ZC3H4: variants seen among roughly 807,000 people sequenced by gnomAD.
ZC3H4 encodes zinc finger CCCH domain-containing protein 4.
ZC3H4 carries 13 observed loss-of-function variants against 108.3 expected under a neutral mutation model. That is an observed-to-expected ratio of 0.12 (90% CI 0.08 to 0.19). The LOEUF is 0.19. Among genes scored for constraint, ZC3H4 ranks in the 10% least tolerant of loss-of-function variants. The pLI is 1.00. For synonymous variants in ZC3H4, 917 were observed against 749.6 expected, an observed-to-expected ratio of 1.22 and a Z score of -3.65; for missense variants, 1,734 against 1,838.8, an observed-to-expected ratio of 0.94 and a Z score of 1.04.
At chr19:47,081,965 A>G (rs1213096747) in intron 10 of ZC3H4, among the ~76,000 whole-genome samples, 1 of 152,198 alleles carries the variant, frequency 6.6e-6, no homozygotes, top group African/African-American at 2.4e-5. Context: ...CTATGTAAAC[A>G]GAACATGCTC....
intron 2 of ZC3H4, among the ~76,000 whole-genome samples, chr19:47,110,448 C>T (rs947721487): frequency 1.3e-5 from 2 of 151,990 alleles, no homozygotes; most frequent in Non-Finnish European, 2.9e-5. Flanking sequence ...AAACTGTGTA[C>T]GTCAAATTTT....
intron 13 of ZC3H4, 99 bp downstream of exon 13, chr19:47,071,679 A>G (rs1047319180): frequency 7.6e-5 from 100 of 1,311,152 alleles, no homozygotes; most frequent in African/African-American, 5.2e-4. Context: ...CATGCTTTCA[A>G]AGAGACTTGG....
intron 4 of ZC3H4, among the ~76,000 whole-genome samples, chr19:47,090,762 A>G (rs1245316502): frequency 6.6e-6 from 1 of 152,256 alleles, no homozygotes. Context: ...ATGTAACAAT[A>G]AAGTGTGTAT....
In ZC3H4 at chr19:47,112,434, G is replaced by A. The variant is rs1568573678; in HGVS notation, c.151C>T (p.Pro51Ser). 1 of 1,236,354 alleles carries A rather than the reference G, an allele frequency of 8.1e-7. No homozygotes were observed. The highest frequency in any genetic ancestry group is 1.0e-6 in the Non-Finnish European group (1 of 987,700). The allele number at this position is 1,236,354 out of a possible 1,614,324, so 76.6% of individuals were successfully genotyped here. A position where few individuals can be genotyped will look rare whatever the true frequency, so the allele number is the denominator to read the frequency against. ...AACCGGGGGCCTGACCTGTCGTCAG[G>A]GAGCGGGAGGCGGTGGTGGAGGAGG... is the stretch of plus-strand genomic sequence containing the variant. ...PHLLHHRLPL[P>S]DDREDGELEE... The change falls in exon 2 of 15, where the codon CCT (proline) becomes TCT (serine). Residue 51 changes from proline to serine, a missense_variant. Pro to Ser is a moderately conservative substitution (Grantham distance 74, BLOSUM62 -1). Coordinates refer to ENST00000253048, the MANE Select transcript of ZC3H4 (RefSeq NM_015168.2).
chr19:47,066,207 A>G lies in ZC3H4; in HGVS notation c.*149T>C, dbSNP rs1265259307. 1 of 624,488 alleles carries G rather than the reference A, an allele frequency of 1.6e-6. No individual in the cohort carries two copies. The highest frequency in any genetic ancestry group is 3.1e-5 in the East Asian group (1 of 31,846). 38.7% of individuals were successfully genotyped at this position (624,488 alleles called of 1,614,324 possible). Reference sequence around the variant, plus strand: ...ATCTCAAAGAAAGTACTACTTTAAAAAAAAATAAAAGAGACGGAAAGCAAA... The same window carrying G: ...ATCTCAAAGAAAGTACTACTTTAAAGAAAAATAAAAGAGACGGAAAGCAAA... On this transcript the variant is annotated 3_prime_UTR_variant, in exon 15 of 15. Transcript: ENST00000253048.
chr19:47,083,974 T>C (rs1051826035), intron 9 of ZC3H4, among the ~76,000 whole-genome samples: 4 of 152,126 alleles, frequency 2.6e-5, no homozygotes, highest in African/African-American at 9.7e-5. Flanking sequence ...CCTCCTCTTC[T>C]GTTTGGATGC....
At chr19:47,077,000 A>T (rs76639866) in intron 11 of ZC3H4, among the ~76,000 whole-genome samples, 1,698 of 151,938 alleles carry the variant, frequency 0.011, 24 homozygotes, top group African/African-American at 0.04. Context: ...CTCAAAAAAA[A>T]ATTTTTTCAA....
Position 47,085,378 on chromosome 19 carries a change from AGTC to A in ZC3H4, c.904_906del (p.Asp302del), listed in dbSNP as rs974679279. ...TTCAGCTCCTTGGAGTACTCGTCAT[AGTC>A]GTCGTCTCCCATTGGCTCCTCACTC... On this transcript the variant is annotated inframe_deletion, in exon 7 of 15. Coordinates refer to ENST00000253048, the MANE Select transcript of ZC3H4 (RefSeq NM_015168.2). The A allele has an allele frequency of 2.5e-6, 4 of 1,601,624 alleles. No individual in the cohort carries two copies. The highest frequency in any genetic ancestry group is 3.4e-6 in the Non-Finnish European group (4 of 1,174,120).
intron 2 of ZC3H4, among the ~76,000 whole-genome samples, chr19:47,098,695 C>T (rs1400053257): frequency 2.6e-5 from 4 of 152,102 alleles, no homozygotes; most frequent in African/African-American, 7.2e-5. Flanking sequence ...ACCTGGGAGG[C>T]GGAGATTGCA....
At position 47,083,108 on chromosome 19, in the gene ZC3H4, G is replaced by A. The variant is rs1055761284; in HGVS notation, c.1219-813C>T. On this transcript the variant is annotated intron_variant, in intron 9 of 14. Coordinates refer to ENST00000253048, the MANE Select transcript of ZC3H4 (RefSeq NM_015168.2). ...CGCCCAGGCTGGAGTGCAATGGCAC[G>A]ATCTTGACTCACTGCAACCTCCACC... 4.0e-5 allele frequency among the ~76,000 whole-genome samples: 6 copies of A among 151,138 alleles called. No homozygotes were observed. In the East Asian group the frequency reaches 6.0e-4, roughly 15 times the overall value.
rs552747313 is a variant in ZC3H4 at position 47,070,623 on chromosome 19, T to C, written c.2146+1155A>G. The stretch of plus-strand genomic sequence containing the variant: ...TGTGGCAGCCTGTTTTTCTCGTCTT[T>C]CTTTCTAAAGCACCCACTCTCACCC... On this transcript the variant is annotated intron_variant, in intron 13 of 14. Coordinates refer to ENST00000253048, the MANE Select transcript of ZC3H4 (RefSeq NM_015168.2). Among the ~76,000 whole-genome samples, 11 of 152,184 alleles carry C rather than the reference T, an allele frequency of 7.2e-5. No homozygotes were observed. In the East Asian group the frequency reaches 1.9e-3, roughly 27 times the overall value.
At position 47,069,193 on chromosome 19, in the gene ZC3H4, T is replaced by C; in HGVS notation, c.2297A>G (p.Gln766Arg). 1.9e-6 allele frequency: 3 copies of C among 1,611,538 alleles called. No individual in the cohort carries two copies. The highest frequency in any genetic ancestry group is 2.5e-6 in the Non-Finnish European group (3 of 1,179,972). The part of the protein sequence containing the change: ...AGVPDFLPSA[Q>R]RALYLRIQQK... Reference sequence around the variant, plus strand: ...CTGGATCCTCAGGTACAGGGCCCTCTGGGCTGAGGGCAGGAAGTCAGGGAC... The same window carrying C: ...CTGGATCCTCAGGTACAGGGCCCTCCGGGCTGAGGGCAGGAAGTCAGGGAC... Residue 766 changes from glutamine (Q) to arginine (R), a missense_variant, in exon 14 of 15, where the codon CAG becomes CGG. Gln to Arg is a conservative substitution (Grantham distance 43, BLOSUM62 1). Coordinates refer to ENST00000253048, the MANE Select transcript of ZC3H4 (RefSeq NM_015168.2).
intron 2 of ZC3H4, among the ~76,000 whole-genome samples, chr19:47,102,445 A>C (rs946004063): frequency 1.3e-5 from 2 of 152,266 alleles, no homozygotes; most frequent in Admixed American, 6.5e-5. Context: ...CAGTATTCCA[A>C]GAAATGCCAG....
chr19:47,067,758 C>T lies in ZC3H4; in HGVS notation c.2510G>A (p.Gly837Glu). The T allele has an allele frequency of 1.9e-6, 3 of 1,609,318 alleles. No individual in the cohort carries two copies. Among genetic ancestry groups the T allele is most frequent in the Non-Finnish European group, 2.5e-6 (3 of 1,178,814 alleles). ...CCCCAGCCCACTGCTGCTCAGCTCC[C>T]CAACTGAAGCCGGGGGTCGGCTGGA... The part of the protein sequence containing the change: ...QTSSRPPASV[G>E]ELSSSGLGDP... Residue 837 changes from glycine to glutamate, a missense_variant, in exon 15 of 15, where the codon GGG (glycine) becomes GAG (glutamate). Transcript: ENST00000253048. This position sits in a 1 kb window ranked among gnomAD's most constrained non-coding sequence, Gnocchi z 6.4.
chr19:47,101,731 C>T (rs1213134757), intron 2 of ZC3H4, among the ~76,000 whole-genome samples: 2 of 151,808 alleles, frequency 1.3e-5, no homozygotes, highest in Non-Finnish European at 2.9e-5. Context: ...ATTAGCTGGG[C>T]GTGGTGGCGC....
Position 47,064,924 on chromosome 19 carries a change from C to T in ZC3H4, c.*1432G>A, listed in dbSNP as rs1267070478. ...GGAGGAGGGAAGGGGAATCCCTTGG[C>T]AGGTAACTAGGTCTCTTCATGGTCA... On this transcript the variant is annotated 3_prime_UTR_variant, in exon 15 of 15. Coordinates refer to ENST00000253048, the MANE Select transcript of ZC3H4 (RefSeq NM_015168.2). 6.6e-6 allele frequency: 1 copy of T among 152,140 alleles called. No homozygotes were observed. The highest frequency in any genetic ancestry group is 1.5e-5 in the Non-Finnish European group (1 of 68,022). 9.4% of individuals were successfully genotyped at this position (152,140 alleles called of 1,614,324 possible). A position where few individuals can be genotyped will look rare whatever the true frequency, so the allele number is the denominator to read the frequency against.
intron 11 of ZC3H4, among the ~76,000 whole-genome samples, chr19:47,074,372 A>G (rs868578098): frequency 6.6e-6 from 1 of 152,190 alleles, no homozygotes; most frequent in African/African-American, 2.4e-5. Context: ...TCCCTGCTAT[A>G]TCCCCAGGGC....
intron 4 of ZC3H4, among the ~76,000 whole-genome samples, chr19:47,092,567 A>G (rs1338403123): frequency 6.6e-6 from 1 of 152,144 alleles, no homozygotes; most frequent in African/African-American, 2.4e-5. Context: ...CTGTAACCCT[A>G]GCACTGTGGG....
intron 11 of ZC3H4, among the ~76,000 whole-genome samples, chr19:47,079,333 G>A (rs2057479042): frequency 6.7e-6 from 1 of 149,542 alleles, no homozygotes; most frequent in Non-Finnish European, 1.5e-5. Flanking sequence ...CTGGCCAGAC[G>A]CCACTTCAAA....
Sources: allele counts gnomAD v4.1 joint callset (sites outside exome capture counted in the v4.1 genomes callset), GRCh38; gene constraint gnomAD v4.1.1; non-coding constraint Gnocchi (gnomAD v3.1); transcripts MANE v1.5; gene names NCBI Gene and HGNC (gene_info 2026-07-23, HGNC 2026-07-21).